ZBTB16: variants seen among roughly 807,000 people sequenced by gnomAD.
ZBTB16 encodes the protein zinc finger and BTB domain containing 16.
A neutral mutation model predicts 56.8 loss-of-function variants in ZBTB16; 8 were observed. The ratio of observed to expected loss-of-function variants is 0.14; its 90% CI spans 0.08 to 0.25. The LOEUF is 0.25. ZBTB16 is among the 10% of genes least tolerant of loss of function. The probability of loss-of-function intolerance (pLI) is 1.00; values close to 1 mark genes in which losing one functional copy is unlikely to be tolerated. For missense variants in ZBTB16, 625 were observed against 903.0 expected, an observed-to-expected ratio of 0.69 and a Z score of 3.95; for synonymous variants, 363 against 368.5, an observed-to-expected ratio of 0.98 and a Z score of 0.17.
chr11:114,157,557 T>C (rs886804229), intron 3 of ZBTB16, among the ~76,000 whole-genome samples: 4 of 152,158 alleles, frequency 2.6e-5, no homozygotes, highest in Non-Finnish European at 5.9e-5. Context: ...CCCCATCCGC[T>C]CGTTCCCTGC....
At chr11:114,220,337 A>T (rs1200739137) in intron 4 of ZBTB16, among the ~76,000 whole-genome samples, 1 of 152,064 alleles carries the variant, frequency 6.6e-6, no homozygotes, top group African/African-American at 2.4e-5. Flanking sequence ...GTGGTGTTGG[A>T]GTGGGGGATG....
intron 2 of ZBTB16, among the ~76,000 whole-genome samples, chr11:114,094,439 T>C (rs1047594325): frequency 3.3e-5 from 5 of 152,252 alleles, no homozygotes; most frequent in African/African-American, 1.2e-4. Context: ...TAGGCCACTT[T>C]GGAAGGTTTC....
intron 3 of ZBTB16, among the ~76,000 whole-genome samples, chr11:114,159,937 C>CGGGGGGGGGGGGGGGG (rs140105293): frequency 2.1e-5 from 2 of 93,840 alleles, no homozygotes; most frequent in Admixed American, 2.0e-4. Flanking sequence ...GCGGGGGAGG[C>CGGGGGGGGGGGGGGGG]GGGGGGGAGG....
chr11:114,127,928 G>A (rs1045848205), intron 2 of ZBTB16, among the ~76,000 whole-genome samples: 1 of 152,060 alleles, frequency 6.6e-6, no homozygotes, highest in African/African-American at 2.4e-5. Flanking sequence ...TCTTGGTGCC[G>A]TCTCCCCCTT....
chr11:114,245,965 C>T (rs1944806897), intron 5 of ZBTB16, among the ~76,000 whole-genome samples: 2 of 152,114 alleles, frequency 1.3e-5, no homozygotes, highest in African/African-American at 4.8e-5. Flanking sequence ...ATTGTCTGCG[C>T]CTTCACTCCT....
chr11:114,138,415 T>G (rs772955478), intron 2 of ZBTB16, among the ~76,000 whole-genome samples: 2 of 152,210 alleles, frequency 1.3e-5, no homozygotes, highest in African/African-American at 4.8e-5. Context: ...TTCCAAACTT[T>G]TAGTCCTCTT....
Position 114,114,889 on chromosome 11 carries a change from C to G in ZBTB16, c.1269-41448C>G, listed in dbSNP as rs570981130. On this transcript the variant is annotated intron_variant, in intron 2 of 6. Coordinates refer to ENST00000335953, the MANE Select transcript of ZBTB16 (RefSeq NM_006006.6). ...GTAGAGACAGGGTTTCGCCATGTTG[C>G]CCAGGCTGGTCTCGAACTCCTGAGT... Among the ~76,000 whole-genome samples, 10 of 151,972 alleles carry G rather than the reference C, an allele frequency of 6.6e-5. No homozygotes were observed. The East Asian group carries it at 1.9e-3, about 30-fold the overall frequency.
chr11:114,186,776 T>C (rs566147894), intron 3 of ZBTB16, among the ~76,000 whole-genome samples, 176 bp from the exon 4 acceptor site: 2 of 152,298 alleles, frequency 1.3e-5, no homozygotes, highest in South Asian at 2.1e-4. Flanking sequence ...CAGAATTCAG[T>C]TGGGTGAATG....
At chr11:114,097,870 AT>A (rs1940474593) in intron 2 of ZBTB16, among the ~76,000 whole-genome samples, 1 of 152,230 alleles carries the variant, frequency 6.6e-6, no homozygotes, top group Admixed American at 6.5e-5. Flanking sequence ...TAATTAAATA[AT>A]ATCTGTGGCC....
chr11:114,181,410 G>A (rs535134889), intron 3 of ZBTB16, among the ~76,000 whole-genome samples: 25 of 152,344 alleles, frequency 1.6e-4, no homozygotes, highest in African/African-American at 5.8e-4. Context: ...GCTTGCCTGG[G>A]ATTTGACCTC....
At chr11:114,132,268 G>A (rs1941684127) in intron 2 of ZBTB16, among the ~76,000 whole-genome samples, 1 of 152,026 alleles carries the variant, frequency 6.6e-6, no homozygotes, top group Admixed American at 6.5e-5. Context: ...ATTTATTTGT[G>A]CAGGTTACCT....
intron 4 of ZBTB16, among the ~76,000 whole-genome samples, chr11:114,219,169 C>G (rs932055195): frequency 2.0e-5 from 3 of 152,098 alleles, no homozygotes; most frequent in African/African-American, 7.2e-5. Flanking sequence ...AGTAGGGAGG[C>G]ATCATGTGGG....
intron 2 of ZBTB16, among the ~76,000 whole-genome samples, chr11:114,099,722 T>G (rs946125116): frequency 6.6e-6 from 1 of 152,226 alleles, no homozygotes; most frequent in African/African-American, 2.4e-5. Flanking sequence ...AGGCTAGGTC[T>G]TCTTCACGTG....
At chr11:114,173,073 T>A (rs1279090937) in intron 3 of ZBTB16, among the ~76,000 whole-genome samples, 1 of 152,136 alleles carries the variant, frequency 6.6e-6, no homozygotes, top group Non-Finnish European at 1.5e-5. Context: ...GCTCTTTAGA[T>A]CCACAGCCTG....
intron 6 of ZBTB16, among the ~76,000 whole-genome samples, chr11:114,248,089 A>C (rs1184539123): frequency 6.6e-6 from 1 of 152,124 alleles, no homozygotes. Flanking sequence ...TAGTAGAGAC[A>C]GGGTTTTGCC....
chr11:114,120,577 C>T (rs535830029), intron 2 of ZBTB16, among the ~76,000 whole-genome samples: 49 of 152,302 alleles, frequency 3.2e-4, no homozygotes, highest in African/African-American at 1.1e-3. Flanking sequence ...TCTAATTTGT[C>T]CCATTTTCTT....
At chr11:114,160,805 G>T (rs1053654096) in intron 3 of ZBTB16, among the ~76,000 whole-genome samples, 2 of 152,140 alleles carry the variant, frequency 1.3e-5, no homozygotes, top group Admixed American at 6.5e-5. Context: ...ATTAACTAAT[G>T]AGATGATCTG....
chr11:114,173,354 G>T (rs1488552165), intron 3 of ZBTB16, among the ~76,000 whole-genome samples: 1 of 152,186 alleles, frequency 6.6e-6, no homozygotes, highest in Non-Finnish European at 1.5e-5. Flanking sequence ...CAGGGGAGGG[G>T]AAGGGAGGGT....
Position 114,155,259 on chromosome 11 carries a change from G to T in ZBTB16, c.1269-1078G>T, listed in dbSNP as rs566312010. On this transcript the variant is annotated intron_variant, in intron 2 of 6. Transcript: ENST00000335953. ...CCCCTGGGGACGTTGCAGGGATGGC[G>T]CAGAGACTGGGGCGGAGGTGGAGGC... 2.3e-4 allele frequency among the ~76,000 whole-genome samples: 35 copies of T among 152,362 alleles called. No individual in the cohort carries two copies. The South Asian group carries it at 7.0e-3, about 31-fold the overall frequency.
Sources: gnomAD v4.1 joint callset for allele counts (sites outside exome capture counted in the v4.1 genomes callset) on GRCh38, gnomAD v4.1.1 for gene constraint, MANE v1.5 for transcripts, NCBI Gene and HGNC (gene_info 2026-07-23, HGNC 2026-07-21) for gene names.